ZNF385D: variants seen among roughly 807,000 people sequenced by gnomAD.
ZNF385D encodes zinc finger protein 659.
ZNF385D carries 15 observed loss-of-function variants against 35.8 expected under a neutral mutation model. The observed-to-expected ratio is 0.42, with a 90% confidence interval of 0.28 to 0.64. ZNF385D has a LOEUF of 0.64. Ranked by LOEUF, ZNF385D falls within the 30% of genes least tolerant of loss-of-function variation. The pLI is 0.23. For synonymous variants in ZNF385D, 212 were observed against 186.8 expected (o/e 1.13, Z -1.10); for missense variants, 474 against 494.6 (o/e 0.96, Z 0.39).
intron 3 of ZNF385D, among the ~76,000 whole-genome samples, chr3:21,914,337 C>G (rs1409184929): frequency 6.7e-6 from 1 of 149,678 alleles, no homozygotes; most frequent in Admixed American, 6.7e-5. Context: ...TGTACTTAAA[C>G]TATTCAGTCT....
chr3:22,032,615 T>G (rs772666543), intron 3 of ZNF385D, among the ~76,000 whole-genome samples: 11 of 152,166 alleles, frequency 7.2e-5, no homozygotes, highest in Non-Finnish European at 1.5e-4. Context: ...AGAGGTGACT[T>G]TCTTAGCGCT....
At chr3:21,823,470 C>T (rs535554219) in intron 3 of ZNF385D, among the ~76,000 whole-genome samples, 7 of 152,186 alleles carry the variant, frequency 4.6e-5, no homozygotes, top group South Asian at 4.1e-4. Flanking sequence ...CACACACGGA[C>T]GCAGCACACT....
At chr3:22,204,525 G>C (rs529951790) in intron 2 of ZNF385D, among the ~76,000 whole-genome samples, 2 of 152,018 alleles carry the variant, frequency 1.3e-5, no homozygotes, top group South Asian at 4.2e-4. Context: ...TAAGACACAA[G>C]GGACCAATCC....
chr3:21,467,900 C>T (rs1476797493), intron 4 of ZNF385D, among the ~76,000 whole-genome samples: 1 of 152,156 alleles, frequency 6.6e-6, no homozygotes, highest in East Asian at 1.9e-4. Context: ...CCATGTAACA[C>T]ACACTAGGGA....
chr3:21,753,088 G>A (rs982739236), upstream of ZNF385D, among the ~76,000 whole-genome samples: 3 of 152,096 alleles, frequency 2.0e-5, no homozygotes, highest in Admixed American at 6.6e-5. Context: ...TTAATAACAC[G>A]CTTGCATTTG....
intron 3 of ZNF385D, among the ~76,000 whole-genome samples, chr3:22,137,588 A>C (rs11129044): frequency 0.64 from 97,427 of 152,076 alleles, 33,439 homozygotes; most frequent in East Asian, 0.84. Flanking sequence ...ATCTCAACAG[A>C]TGCAGAAAAG....
intron 3 of ZNF385D, among the ~76,000 whole-genome samples, chr3:21,765,204 C>CTT (rs1475373903): frequency 1.4e-4 from 21 of 150,324 alleles, no homozygotes; most frequent in Non-Finnish European, 1.2e-4. Context: ...CACATAAAAT[C>CTT]TGTGTGTGTG....
At chr3:21,439,951 T>C (rs1400026178) in intron 4 of ZNF385D, among the ~76,000 whole-genome samples, 12 of 152,118 alleles carry the variant, frequency 7.9e-5, no homozygotes, top group Non-Finnish European at 1.3e-4. Flanking sequence ...TCTAAGCATG[T>C]AGTTAGTGTG....
intron 3 of ZNF385D, among the ~76,000 whole-genome samples, chr3:22,032,194 T>G (rs1197527450): frequency 6.6e-6 from 1 of 152,214 alleles, no homozygotes; most frequent in Non-Finnish European, 1.5e-5. Context: ...TCCTGTCTTC[T>G]TCTGAGCCTT....
At chr3:22,335,048 A>C (rs1333563680) in intron 2 of ZNF385D, among the ~76,000 whole-genome samples, 1 of 152,202 alleles carries the variant, frequency 6.6e-6, no homozygotes, top group East Asian at 1.9e-4. Flanking sequence ...CACTGGAAAG[A>C]TCAGAAATAA....
At chr3:21,816,269 C>A (rs551644883) in intron 3 of ZNF385D, among the ~76,000 whole-genome samples, 1 of 152,246 alleles carries the variant, frequency 6.6e-6, no homozygotes, top group African/African-American at 2.4e-5. Flanking sequence ...AAAACTGGCA[C>A]AAGACAGGGA....
chr3:21,925,678 T>A (rs1034777747), intron 3 of ZNF385D, among the ~76,000 whole-genome samples: 4 of 152,204 alleles, frequency 2.6e-5, no homozygotes, highest in African/African-American at 7.2e-5. Context: ...GTAAAGATGT[T>A]GAGTGGATAA....
At chr3:21,732,027 GGGGTTTTTTTTTTTTTTTTTTTT>G (rs1357440525) in intron 1 of ZNF385D, among the ~76,000 whole-genome samples, 828 of 64,268 alleles carry the variant, frequency 0.013, 155 homozygotes, top group Middle Eastern at 0.017. Context: ...TTCTTTTTTC[GGGGTTTTTTTTTTTTTTTTTTTT>G]TTTTTTTTTT....
intron 2 of ZNF385D, among the ~76,000 whole-genome samples, chr3:21,620,529 C>G (rs904528429): frequency 2.0e-5 from 3 of 152,168 alleles, no homozygotes; most frequent in African/African-American, 7.2e-5. Context: ...GACTGGGATT[C>G]ATACTACCCA....
intron 3 of ZNF385D, among the ~76,000 whole-genome samples, chr3:21,769,039 C>G (rs1462758153): frequency 6.6e-6 from 1 of 151,986 alleles, no homozygotes; most frequent in Non-Finnish European, 1.5e-5. Flanking sequence ...AGTTACGTCC[C>G]ATCAATACCT....
intron 2 of ZNF385D, among the ~76,000 whole-genome samples, chr3:22,191,490 A>G (rs560389703): frequency 0.042 from 4,192 of 99,082 alleles, 178 homozygotes; most frequent in African/African-American, 0.15. Context: ...TCCATCTAAG[A>G]AAAAAAAAAA....
intron 3 of ZNF385D, among the ~76,000 whole-genome samples, chr3:22,000,699 G>A (rs982851767): frequency 1.3e-5 from 2 of 151,656 alleles, no homozygotes; most frequent in African/African-American, 4.9e-5. Context: ...ACTAATAGCA[G>A]ATTAATAGCA....
upstream of ZNF385D, among the ~76,000 whole-genome samples, chr3:21,755,748 C>A (rs978752353): frequency 4.6e-5 from 7 of 152,094 alleles, no homozygotes; most frequent in African/African-American, 1.7e-4. Context: ...GTTTAATGAA[C>A]AAATTCATTA....
intron 1 of ZNF385D, among the ~76,000 whole-genome samples, chr3:21,692,050 T>C (rs1011458940): frequency 6.6e-6 from 1 of 152,216 alleles, no homozygotes; most frequent in Non-Finnish European, 1.5e-5. Context: ...TTGTAGCACA[T>C]ATCAGAATTT....
Sources: allele counts gnomAD v4.1 joint callset (sites outside exome capture counted in the v4.1 genomes callset), GRCh38; gene constraint gnomAD v4.1.1; transcripts MANE v1.5; gene names NCBI Gene and HGNC (gene_info 2026-07-23, HGNC 2026-07-21).